The following STAG1 variants were observed in gnomAD, a reference collection of about 807,000 sequenced individuals.
STAG1 encodes the protein STAG1 cohesin complex component.
Under a neutral mutation model 170.9 loss-of-function variants are expected in STAG1, and 26 were observed. The ratio of observed to expected loss-of-function variants is 0.15; its 90% CI spans 0.11 to 0.21. The LOEUF (loss-of-function observed/expected upper bound fraction) is 0.21. Ranked by LOEUF, STAG1 falls within the 10% of genes least tolerant of loss-of-function variation. The pLI, the probability that STAG1 is intolerant of heterozygous loss-of-function variation, is 1.00. For synonymous variants in STAG1, 514 were observed against 497.7 expected (o/e 1.03, Z -0.44); for missense variants, 964 against 1,509.5 (o/e 0.64, Z 5.99).
intron 6 of STAG1, among the ~76,000 whole-genome samples, chr3:136,537,418 C>G (rs1935683413): frequency 1.3e-5 from 2 of 151,990 alleles, no homozygotes; most frequent in Admixed American, 6.6e-5. Context: ...GCATTCCTCA[C>G]TGGTTTCTTA....
chr3:136,690,187 G>A (rs750629069), intron 1 of STAG1, among the ~76,000 whole-genome samples: 8 of 151,568 alleles, frequency 5.3e-5, no homozygotes, highest in African/African-American at 1.7e-4. Flanking sequence ...AGTAAGTCTC[G>A]TACAAGGGTC....
intron 1 of STAG1, among the ~76,000 whole-genome samples, chr3:136,735,572 G>C (rs1231783078): frequency 6.6e-6 from 1 of 151,972 alleles, no homozygotes; most frequent in Non-Finnish European, 1.5e-5. Context: ...AAAGTAGCTG[G>C]GATTACAGGC....
intron 5 of STAG1, among the ~76,000 whole-genome samples, chr3:136,556,654 T>A (rs1326500077): frequency 6.6e-6 from 1 of 151,864 alleles, no homozygotes; most frequent in Non-Finnish European, 1.5e-5. Flanking sequence ...GTGACCACAG[T>A]TCACTGCAAT....
At chr3:136,377,805 G>T in intron 22 of STAG1, 53 bp from the exon 23 acceptor site, 4 of 1,451,266 alleles carry the variant, frequency 2.8e-6, no homozygotes, top group South Asian at 1.1e-5. Context: ...ACAGAAAACT[G>T]ATCTAGAAGA....
chr3:136,539,656 A>C (rs554195318), intron 6 of STAG1, among the ~76,000 whole-genome samples: 75 of 152,364 alleles, frequency 4.9e-4, no homozygotes, highest in Non-Finnish European at 3.2e-4. Flanking sequence ...TAGCTCTATC[A>C]AGAGCGAAGT....
chr3:136,492,264 C>G (rs920074783), intron 9 of STAG1, among the ~76,000 whole-genome samples: 1 of 152,148 alleles, frequency 6.6e-6, no homozygotes, highest in African/African-American at 2.4e-5. Flanking sequence ...TTCAGTCAGG[C>G]TATGACAGAT....
At chr3:136,725,752 A>G (rs1933628720) in intron 1 of STAG1, among the ~76,000 whole-genome samples, 1 of 152,232 alleles carries the variant, frequency 6.6e-6, no homozygotes, top group Admixed American at 6.5e-5. Context: ...AAGTACAGAC[A>G]GCATGAGGTT....
At chr3:136,558,288 G>A (rs1354272103) in intron 5 of STAG1, among the ~76,000 whole-genome samples, 3 of 152,008 alleles carry the variant, frequency 2.0e-5, no homozygotes, top group Admixed American at 6.6e-5. Context: ...GCTACTAGGG[G>A]GGCTGAAACA....
intron 1 of STAG1, among the ~76,000 whole-genome samples, chr3:136,739,000 A>G (rs541842694): frequency 2.6e-5 from 4 of 152,328 alleles, no homozygotes; most frequent in African/African-American, 9.6e-5. Context: ...GGACTCCAGA[A>G]AGTAATGTCC....
At chr3:136,674,822 A>G (rs546445361) in intron 1 of STAG1, among the ~76,000 whole-genome samples, 32 of 152,350 alleles carry the variant, frequency 2.1e-4, no homozygotes, top group African/African-American at 7.7e-4. Flanking sequence ...GAAGACTTGC[A>G]TAATTAGTTC....
intron 1 of STAG1, among the ~76,000 whole-genome samples, chr3:136,634,095 C>T (rs1281480989): frequency 6.7e-6 from 1 of 148,894 alleles, no homozygotes; most frequent in South Asian, 2.2e-4. Context: ...GAGCCAAGAT[C>T]GTACCACTGC....
chr3:136,407,654 G>A (rs979360148), intron 21 of STAG1, among the ~76,000 whole-genome samples: 2 of 151,848 alleles, frequency 1.3e-5, no homozygotes, highest in Non-Finnish European at 2.9e-5. Context: ...TAGAGACAGA[G>A]TTTCATCATG....
At chr3:136,412,068 G>A (rs2087639873) in intron 21 of STAG1, among the ~76,000 whole-genome samples, 1 of 152,136 alleles carries the variant, frequency 6.6e-6, no homozygotes, top group African/African-American at 2.4e-5. Context: ...ATAGGAACTG[G>A]ATTGAAAGGA....
intron 1 of STAG1, among the ~76,000 whole-genome samples, chr3:136,637,089 T>A (rs927450814): frequency 4.6e-5 from 7 of 152,300 alleles, no homozygotes; most frequent in African/African-American, 1.7e-4. Flanking sequence ...TATTTTTCTT[T>A]CCCTCATCAA....
chr3:136,475,519 C>T (rs2089727524), intron 10 of STAG1, among the ~76,000 whole-genome samples: 1 of 152,046 alleles, frequency 6.6e-6, no homozygotes, highest in African/African-American at 2.4e-5. Context: ...GCTTGGCATC[C>T]AGGGAATGTG....
intron 9 of STAG1, among the ~76,000 whole-genome samples, chr3:136,490,935 T>C (rs1375562211): frequency 6.6e-6 from 1 of 152,234 alleles, no homozygotes; most frequent in Non-Finnish European, 1.5e-5. Context: ...ACAATCTTTC[T>C]GGTTGCTTTT....
At chr3:136,722,946 G>A (rs1222770723) in intron 1 of STAG1, among the ~76,000 whole-genome samples, 3 of 152,202 alleles carry the variant, frequency 2.0e-5, no homozygotes, top group East Asian at 3.9e-4. Context: ...CGCCAGCCTC[G>A]GCCTCCCGAG....
chr3:136,512,289 G>A (rs1002785188), intron 7 of STAG1, among the ~76,000 whole-genome samples: 1 of 152,024 alleles, frequency 6.6e-6, no homozygotes, highest in African/African-American at 2.4e-5. Context: ...CTGGATGACA[G>A]AGCAAGACCC....
chr3:136,607,353 T>C (rs190822943), intron 3 of STAG1, among the ~76,000 whole-genome samples: 153 of 152,328 alleles, frequency 1.0e-3, no homozygotes, highest in African/African-American at 3.4e-3. Flanking sequence ...TATCAGTATA[T>C]ACTCATCATT....
Sources: gnomAD v4.1 joint callset for allele counts (sites outside exome capture counted in the v4.1 genomes callset) on GRCh38, gnomAD v4.1.1 for gene constraint, MANE v1.5 for transcripts, NCBI Gene and HGNC (gene_info 2026-07-23, HGNC 2026-07-21) for gene names.